Variants in MYOCD observed in about 807,000 individuals in gnomAD.
The protein encoded by MYOCD is myocardin.
MYOCD carries 32 observed loss-of-function variants against 96.1 expected under a neutral mutation model. The observed-to-expected ratio is 0.33, with a 90% confidence interval of 0.25 to 0.45. The LOEUF is 0.45. Among genes scored for constraint, MYOCD ranks in the 20% least tolerant of loss-of-function variants. MYOCD has a pLI of 1.00. For missense variants in MYOCD, 1,133 were observed against 1,200.6 expected, an observed-to-expected ratio of 0.94 and a Z score of 0.83; for synonymous variants, 469 against 469.0, an observed-to-expected ratio of 1.00 and a Z score of 0.00.
chr17:12,743,406 T>G (rs2032568155), intron 7 of MYOCD, among the ~76,000 whole-genome samples: 1 of 152,102 alleles, frequency 6.6e-6, no homozygotes, highest in South Asian at 2.1e-4. Flanking sequence ...AAATCTTAGT[T>G]TTATCTTAGT....
chr17:12,688,581 CCTCCTTCCTTCCAT>C (rs2030267418), intron 1 of MYOCD, among the ~76,000 whole-genome samples: 2 of 145,058 alleles, frequency 1.4e-5, no homozygotes, highest in South Asian at 4.5e-4. Flanking sequence ...CATCTCCGTC[CCTCCTTCCTTCCAT>C]CTCCTTCCTT....
chr17:12,734,504 C>CTTTTTTTTTTTTTT (rs3050319), intron 5 of MYOCD, among the ~76,000 whole-genome samples: 2 of 65,470 alleles, frequency 3.1e-5, no homozygotes, highest in Non-Finnish European at 5.2e-5. Context: ...ACACATGATC[C>CTTTTTTTTTTTTTT]TTTTTTTTTT....
chr17:12,756,082 G>C (rs2033002966), intron 10 of MYOCD, among the ~76,000 whole-genome samples: 1 of 152,136 alleles, frequency 6.6e-6, no homozygotes, highest in African/African-American at 2.4e-5. Flanking sequence ...TAGGGGGATG[G>C]AATGTACAGG....
intron 1 of MYOCD, among the ~76,000 whole-genome samples, chr17:12,670,695 A>G (rs927911442): frequency 6.6e-6 from 1 of 152,184 alleles, no homozygotes; most frequent in Non-Finnish European, 1.5e-5. Context: ...TACTTTCTAC[A>G]AAATAGAGGG....
Position 12,693,372 on chromosome 17 carries a change from G to A in MYOCD, c.56-11756G>A, listed in dbSNP as rs180718982. ...CGCCTGTAATCCCAGCACTTTGGGA[G>A]GCCGAGGTGGGCGGATCACCCGAGG... On this transcript the variant is annotated intron_variant, in intron 1 of 13. Transcript: ENST00000425538. Among the ~76,000 whole-genome samples the A allele has an allele frequency of 9.1e-4, 139 of 152,104 alleles. 1 individual carries two copies. The highest frequency in any genetic ancestry group is 3.2e-3 in the African/African-American group (134 of 41,484).
chr17:12,682,200 G>A (rs925710711), intron 1 of MYOCD, among the ~76,000 whole-genome samples: 4 of 152,162 alleles, frequency 2.6e-5, no homozygotes, highest in African/African-American at 7.2e-5. Context: ...AGATGACACG[G>A]GCCACTGGTG....
chr17:12,705,953 C>A (rs2031274036), intron 2 of MYOCD: 1 of 152,152 alleles, frequency 6.6e-6, no homozygotes, highest in African/African-American at 2.4e-5. Context: ...ATACAACAAG[C>A]AGAAGTTTGC....
intron 2 of MYOCD, among the ~76,000 whole-genome samples, chr17:12,708,629 G>C (rs945083452): frequency 1.3e-5 from 2 of 152,094 alleles, no homozygotes; most frequent in Admixed American, 1.3e-4. Flanking sequence ...CTGACTTCGT[G>C]ATCCACCCAC....
At chr17:12,708,102 G>A (rs1027958747) in intron 2 of MYOCD, among the ~76,000 whole-genome samples, 1 of 152,018 alleles carries the variant, frequency 6.6e-6, no homozygotes, top group Non-Finnish European at 1.5e-5. Flanking sequence ...CTTCAGAATA[G>A]AGTTTGAAAA....
At chr17:12,760,212 T>A in intron 12 of MYOCD, 1 of 187,106 alleles carries the variant, frequency 5.3e-6, no homozygotes, top group Non-Finnish European at 1.1e-5. Context: ...TAGATCAACC[T>A]TAAGGACATT....
chr17:12,714,708 T>A (rs2031584033), intron 2 of MYOCD, among the ~76,000 whole-genome samples: 2 of 152,164 alleles, frequency 1.3e-5, no homozygotes, highest in African/African-American at 2.4e-5. Context: ...TGAAGGGTGA[T>A]GAGGAGGAGG....
chr17:12,760,694 T>C lies in MYOCD; in HGVS notation c.2376T>C (p.Leu792=). The C allele has an allele frequency of 6.2e-7, 1 of 1,613,898 alleles. No individual in the cohort carries two copies. Among genetic ancestry groups the C allele is most frequent in the Non-Finnish European group, 8.5e-7 (1 of 1,179,892 alleles). Residue 792 remains leucine (L), a synonymous_variant, in exon 13 of 14, where the codon CTT becomes CTC. Transcript: ENST00000425538. The part of the protein sequence containing the change: ...SQQMDELLDV[L]IESGEMPADA... ...AGATGGATGAACTCCTGGACGTGCT[T>C]ATTGAAAGCGGAGGTAAGACTGCCT...
chr17:12,690,861 C>G (rs184053347), intron 1 of MYOCD, among the ~76,000 whole-genome samples: 38 of 152,292 alleles, frequency 2.5e-4, no homozygotes, highest in Non-Finnish European at 3.5e-4. Context: ...TCCAGCAAGG[C>G]TCTGGGAGCT....
intron 1 of MYOCD, among the ~76,000 whole-genome samples, chr17:12,670,652 T>C (rs1343707025): frequency 6.6e-6 from 1 of 152,228 alleles, no homozygotes; most frequent in East Asian, 1.9e-4. Context: ...TGTATGTACA[T>C]ATAATTTAAT....
intron 6 of MYOCD, among the ~76,000 whole-genome samples, chr17:12,737,854 CA>C (rs2032390104): frequency 6.6e-6 from 1 of 151,996 alleles, no homozygotes; most frequent in Non-Finnish European, 1.5e-5. Flanking sequence ...CTAAAGCTGC[CA>C]AGGAGAAAAA....
At chr17:12,686,563 A>G (rs1024488602) in intron 1 of MYOCD, among the ~76,000 whole-genome samples, 4 of 152,252 alleles carry the variant, frequency 2.6e-5, no homozygotes, top group Admixed American at 6.5e-5. Flanking sequence ...CACTCAAGTT[A>G]TAAAGAAGGT....
At chr17:12,755,664 G>A (rs1173374384) in intron 10 of MYOCD, among the ~76,000 whole-genome samples, 1 of 152,162 alleles carries the variant, frequency 6.6e-6, no homozygotes, top group Non-Finnish European at 1.5e-5. Flanking sequence ...ACGAGGTCAG[G>A]AGATAGAGAC....
intron 10 of MYOCD, among the ~76,000 whole-genome samples, chr17:12,755,331 C>G (rs1031991610): frequency 1.3e-5 from 2 of 152,168 alleles, no homozygotes; most frequent in African/African-American, 2.4e-5. Context: ...AAAGAACAGG[C>G]CAGGCGCACT....
intron 10 of MYOCD, among the ~76,000 whole-genome samples, chr17:12,754,796 A>G (rs2032966529): frequency 6.6e-6 from 1 of 152,244 alleles, no homozygotes; most frequent in African/African-American, 2.4e-5. Context: ...CATTAACTGA[A>G]TACCTGCTAA....
Sources: allele counts gnomAD v4.1 joint callset (sites outside exome capture counted in the v4.1 genomes callset), GRCh38; gene constraint gnomAD v4.1.1; transcripts MANE v1.5; gene names NCBI Gene and HGNC (gene_info 2026-07-23, HGNC 2026-07-21).